CHRNA4: variants seen among roughly 807,000 people sequenced by gnomAD.
The protein encoded by CHRNA4 is cholinergic receptor nicotinic alpha 4 subunit.
Under a neutral mutation model 48.9 loss-of-function variants are expected in CHRNA4, and 28 were observed. That is an observed-to-expected ratio of 0.57 (90% CI 0.42 to 0.79). The LOEUF (loss-of-function observed/expected upper bound fraction) is 0.79, where lower values mean the gene tolerates loss of function less well. CHRNA4 is among the 30% of genes least tolerant of loss of function. CHRNA4 has a pLI of 0.00. For missense variants in CHRNA4, 859 were observed against 898.4 expected, an observed-to-expected ratio of 0.96 and a Z score of 0.56; for synonymous variants, 425 against 402.3, an observed-to-expected ratio of 1.06 and a Z score of -0.68.
At chr20:63,355,071 G>A (rs1191938567) in intron 4 of CHRNA4, among the ~76,000 whole-genome samples, 1 of 152,196 alleles carries the variant, frequency 6.6e-6, no homozygotes, top group East Asian at 1.9e-4. Flanking sequence ...GCAGATGGCT[G>A]GGACGGGAGA....
chr20:63,347,939 C>T (rs184681120), intron 5 of CHRNA4, among the ~76,000 whole-genome samples: 261 of 152,354 alleles, frequency 1.7e-3, no homozygotes, highest in African/African-American at 4.9e-3. Flanking sequence ...TGAAGGCAAA[C>T]GGGGTCACTT....
In CHRNA4 at chr20:63,349,542, G is replaced by A. The variant is rs991505921; in HGVS notation, c.1758+111C>T. On this transcript the variant is annotated intron_variant, in intron 5 of 5. Transcript: ENST00000370263. ...GGGGCCACGCCCTGCACCCCAAAGC[G>A]AAGCAGCCTGAGGCCTGGGCCCGGC... 3.9e-4 allele frequency: 557 copies of A among 1,413,004 alleles called. 1 individual carries two copies. Among genetic ancestry groups the A allele is most frequent in the Non-Finnish European group, 4.5e-4 (457 of 1,012,860 alleles). The allele number at this position is 1,413,004 out of a possible 1,614,324, so 87.5% of individuals were successfully genotyped here.
chr20:63,360,784 G>T (rs951589780), intron 1 of CHRNA4, among the ~76,000 whole-genome samples: 2 of 152,222 alleles, frequency 1.3e-5, no homozygotes, highest in African/African-American at 4.8e-5. Context: ...GGCGAAGGTG[G>T]CCCCACCTCT....
At chr20:63,357,304 TCAGGACCTCATCC>T (rs2145404467) in intron 2 of CHRNA4, among the ~76,000 whole-genome samples, 1 of 16,518 alleles carries the variant, frequency 6.1e-5, no homozygotes, top group Non-Finnish European at 2.9e-4. Context: ...CCTCATCCCC[TCAGGACCTCATCC>T]CGTGTGTCTG....
intron 2 of CHRNA4, among the ~76,000 whole-genome samples, chr20:63,357,522 C>T (rs915681171): frequency 6.6e-6 from 1 of 152,258 alleles, no homozygotes; most frequent in Non-Finnish European, 1.5e-5. Context: ...TCCAGACCCT[C>T]CTCTGCAGCC....
At chr20:63,348,271 T>C (rs45486392) in intron 5 of CHRNA4, among the ~76,000 whole-genome samples, 3,084 of 152,272 alleles carry the variant, frequency 0.02, 33 homozygotes, top group Non-Finnish European at 0.03. Flanking sequence ...AACACCTAAA[T>C]GCATCTGACC....
chr20:63,347,408 C>T (rs968826397), intron 5 of CHRNA4, among the ~76,000 whole-genome samples: 2 of 152,228 alleles, frequency 1.3e-5, no homozygotes, highest in Non-Finnish European at 2.9e-5. Flanking sequence ...TGGCCTGTCT[C>T]GTTTTCACAC....
At chr20:63,361,024 G>A (rs1405355868) in intron 1 of CHRNA4, 66 bp downstream of exon 1, 22 of 1,275,484 alleles carry the variant, frequency 1.7e-5, no homozygotes, top group Non-Finnish European at 2.1e-5. Flanking sequence ...CCTCCCTCTG[G>A]CTCTGGGGGT....
At chr20:63,354,597 G>T in intron 4 of CHRNA4, 4 of 280,004 alleles carry the variant, frequency 1.4e-5, no homozygotes, top group Non-Finnish European at 1.8e-5. Context: ...GGGGGGGGCT[G>T]CAGTACTCGG....
In CHRNA4 at chr20:63,346,342, G is replaced by A. The variant is rs45539138; in HGVS notation, c.*396C>T. On this transcript the variant is annotated 3_prime_UTR_variant, in exon 6 of 6. Transcript: ENST00000370263. ...ACGGGGCGCTTGGGGCTGAAGGGGC[G>A]TGAACTCCCTTCAAGGGCCCCTTGG... 1,894 of 463,392 alleles carry A rather than the reference G, an allele frequency of 4.1e-3. 21 individuals carry two copies. Among genetic ancestry groups the A allele is most frequent in the Middle Eastern group, 0.019 (28 of 1,490 alleles). 28.7% of individuals were successfully genotyped at this position (463,392 alleles called of 1,614,324 possible).
chr20:63,352,083 G>A (rs975595286), intron 4 of CHRNA4, among the ~76,000 whole-genome samples: 8 of 152,172 alleles, frequency 5.3e-5, no homozygotes, highest in African/African-American at 1.4e-4. Context: ...ACGACGCGTC[G>A]GGGGGAGCGG....
intron 4 of CHRNA4, 45 bp from the exon 5 acceptor site, chr20:63,351,072 CCCA>C: frequency 6.3e-7 from 1 of 1,585,366 alleles, no homozygotes; most frequent in Non-Finnish European, 8.6e-7. Context: ...CACATCCATG[CCCA>C]CGTCCACACC....
In CHRNA4 at chr20:63,350,167, G is replaced by A. The variant is rs201275400; in HGVS notation, c.1244C>T (p.Pro415Leu). ...SPSFCVPLDV[P>L]AEPGPSCKSP... is the part of the protein sequence containing the mutation. ...CTTGCAGGAAGGCCCAGGCTCAGCC[G>A]GCACATCCAGGGGGACACAGAAGGA... The change falls in exon 5 of 6, where the codon CCG becomes CTG. Residue 415 changes from proline (P) to leucine (L), a missense_variant. This residue lies in a region of CHRNA4 where 478 missense variants were observed against 455.4 expected (regional missense o/e 1.05). Transcript: ENST00000370263. The A allele has an allele frequency of 5.0e-6, 8 of 1,585,412 alleles. No homozygotes were observed. Among genetic ancestry groups the A allele is most frequent in the South Asian group, 2.3e-5 (2 of 88,520 alleles).
Position 63,361,262 on chromosome 20 carries a change from C to A in CHRNA4, c.-97G>T, listed in dbSNP as rs1439522480. On this transcript the variant is annotated 5_prime_UTR_variant, in exon 1 of 6. Transcript: ENST00000370263. ...CCAACTTCATGCCTCCCGCGCCTCG[C>A]GGGCCGCTTCGGCCGCCGGGCCCGG... 5.3e-5 allele frequency: 74 copies of A among 1,388,968 alleles called. No homozygotes were observed. The highest frequency in any genetic ancestry group is 6.3e-5 in the Non-Finnish European group (68 of 1,073,286). 86.0% of individuals were successfully genotyped at this position (1,388,968 alleles called of 1,614,324 possible). A position where few individuals can be genotyped will look rare whatever the true frequency, so the allele number is the denominator to read the frequency against.
intron 4 of CHRNA4, chr20:63,355,240 T>A (rs2068699445): frequency 2.9e-6 from 1 of 344,574 alleles, no homozygotes; most frequent in Non-Finnish European, 5.7e-6. Context: ...AAGGACAAGT[T>A]AGAGGACAGC....
At position 63,361,315 on chromosome 20, in the gene CHRNA4, G is replaced by T. The variant is rs1198498804; in HGVS notation, c.-150C>A. On this transcript the variant is annotated 5_prime_UTR_variant, in exon 1 of 6. Coordinates refer to ENST00000370263, the MANE Select transcript of CHRNA4 (RefSeq NM_000744.7). ...CGTCTTCTCCTGTGGGGCGCGGTGC[G>T]GCGGCGGCGCGGCAGGGAGCGCCGG... 4.9e-6 allele frequency: 6 copies of T among 1,215,122 alleles called. No individual in the cohort carries two copies. The South Asian group carries it at 1.3e-4, about 27-fold the overall frequency. 75.3% of individuals were successfully genotyped at this position (1,215,122 alleles called of 1,614,324 possible).
Position 63,345,898 on chromosome 20 carries a change from G to A in CHRNA4, c.*840C>T. 3 of 453,644 alleles carry A rather than the reference G, an allele frequency of 6.6e-6. No homozygotes were observed. The highest frequency in any genetic ancestry group is 8.8e-6 in the Non-Finnish European group (2 of 226,474). 28.1% of individuals were successfully genotyped at this position (453,644 alleles called of 1,614,324 possible). A position where few individuals can be genotyped will look rare whatever the true frequency, so the allele number is the denominator to read the frequency against. On this transcript the variant is annotated 3_prime_UTR_variant, in exon 6 of 6. Coordinates refer to ENST00000370263, the MANE Select transcript of CHRNA4 (RefSeq NM_000744.7). This position sits in a 1 kb window ranked among gnomAD's most constrained non-coding sequence, Gnocchi z 5.4. ...GAATCACAACACAGAAGTACCCCAG[G>A]GGCTGAAGCCACTAGGCCCCCGTGG...
chr20:63,350,146 C>A lies in CHRNA4; in HGVS notation c.1265G>T (p.Cys422Phe). Residue 422 changes from cysteine to phenylalanine, a missense_variant, in exon 5 of 6, where the codon TGC becomes TTC. Physicochemically the swap from Cys to Phe is radical, Grantham distance 205 (BLOSUM62 -2). Transcript: ENST00000370263. ...AGGGAGCTGGTCGGAGGGTGACTTG[C>A]AGGAAGGCCCAGGCTCAGCCGGCAC... ...LDVPAEPGPS[C>F]KSPSDQLPPQ... 1 of 1,572,322 alleles carries A rather than the reference C, an allele frequency of 6.4e-7. No homozygotes were observed. Among genetic ancestry groups the A allele is most frequent in the South Asian group, 1.2e-5 (1 of 86,434 alleles).
rs200197645 is a variant in CHRNA4 at position 63,350,851 on chromosome 20, G to T, written c.560C>A (p.Ala187Asp). Residue 187 changes from alanine (A) to aspartate (D), a missense_variant, in exon 5 of 6, where the codon GCC (alanine) becomes GAC (aspartate). Transcript: ENST00000370263. ...MKFGSWTYDKAKIDLVNMHSR... is the reference protein window; with the variant it reads ...MKFGSWTYDKDKIDLVNMHSR... ...GTGCATGTTCACCAGGTCGATCTTG[G>T]CCTTGTCGTAGGTCCAGGAGCCGAA... 1.9e-5 allele frequency: 30 copies of T among 1,613,982 alleles called. No individual in the cohort carries two copies. Among genetic ancestry groups the T allele is most frequent in the Non-Finnish European group, 2.5e-5 (30 of 1,180,012 alleles).
Sources: gnomAD v4.1 joint callset for allele counts (sites outside exome capture counted in the v4.1 genomes callset) on GRCh38, gnomAD v4.1.1 for gene constraint, gnomAD v4.1.1 regional missense constraint, Gnocchi (gnomAD v3.1) non-coding constraint, MANE v1.5 for transcripts, NCBI Gene and HGNC (gene_info 2026-07-23, HGNC 2026-07-21) for gene names.